The following CCDC144A variants were observed in gnomAD, a reference collection of about 807,000 sequenced individuals.
CCDC144A encodes the protein coiled-coil domain containing 144A.
Under a neutral mutation model 143.8 loss-of-function variants are expected in CCDC144A, and 41 were observed. The observed-to-expected ratio is 0.29, with a 90% confidence interval of 0.22 to 0.37. The LOEUF (loss-of-function observed/expected upper bound fraction) is 0.37. Among genes scored for constraint, CCDC144A ranks in the 10% least tolerant of loss-of-function variants. The pLI is 1.00. For missense variants in CCDC144A, 637 were observed against 1,488.8 expected (o/e 0.43, Z 9.41); for synonymous variants, 242 against 517.9 (o/e 0.47, Z 7.23).
intron 12 of CCDC144A, among the ~76,000 whole-genome samples, chr17:16,756,061 T>A (rs551374633): frequency 6.6e-6 from 1 of 152,236 alleles, no homozygotes; most frequent in Non-Finnish European, 1.5e-5. Context: ...CTTTTGACAT[T>A]TGACTCTGAT....
Position 16,707,540 on chromosome 17 carries a change from C to G in CCDC144A, c.736C>G (p.Gln246Glu), listed in dbSNP as rs1368300416. 3.2e-6 allele frequency: 5 copies of G among 1,578,908 alleles called. No individual in the cohort carries two copies. Residue 246 changes from glutamine (Q) to glutamate (E), a missense_variant and splice_region_variant, in exon 4 of 17, where the codon CAG (glutamine) becomes GAG (glutamate). By Grantham distance (29) the Gln-to-Glu change is conservative (BLOSUM62 2). Transcript: ENST00000399273. The part of the protein sequence containing the change: ...RLKGCENKQP[Q>E]KTSQEPEMAK... ...TAAAGGATGCGAAAATAAGCAGCCACAGGTGTGGAAACATTTAAACTAAAA... is the reference window on the plus strand; with the variant it reads ...TAAAGGATGCGAAAATAAGCAGCCAGAGGTGTGGAAACATTTAAACTAAAA...
chr17:16,728,010 T>A (rs1913515167), intron 9 of CCDC144A: 1 of 296,484 alleles, frequency 3.4e-6, no homozygotes, highest in Non-Finnish European at 6.5e-6. Flanking sequence ...GGTTTTAAAA[T>A]TATCTTGTAT....
chr17:16,679,880 TCTAA>T, the CCDC144A span, among the ~76,000 whole-genome samples: 1 of 152,128 alleles, frequency 6.6e-6, no homozygotes, highest in Non-Finnish European at 1.5e-5. Context: ...CAAAAATTAA[TCTAA>T]CTTACATTAA....
chr17:16,681,454 GA>G, the CCDC144A span, among the ~76,000 whole-genome samples: 1 of 152,140 alleles, frequency 6.6e-6, no homozygotes, highest in Non-Finnish European at 1.5e-5. Context: ...TACACTAAGT[GA>G]TCTCCAGCTC....
chr17:16,723,037 T>TC (rs1913185963), intron 8 of CCDC144A, among the ~76,000 whole-genome samples: 1 of 145,862 alleles, frequency 6.9e-6, no homozygotes, highest in African/African-American at 2.7e-5. Context: ...GTATTTCTCC[T>TC]CTATTTTTTT....
At chr17:16,712,241 A>G (rs1382882316) in intron 6 of CCDC144A, 5 of 172,082 alleles carry the variant, frequency 2.9e-5, no homozygotes, top group African/African-American at 4.8e-5. Context: ...TACTTTTACT[A>G]GGATATTCAG....
chr17:16,706,701 A>C (rs1423136711), intron 3 of CCDC144A: 5 of 151,096 alleles, frequency 3.3e-5, no homozygotes, highest in African/African-American at 7.4e-5. Flanking sequence ...AGCAAGACTC[A>C]ATACATAATT....
chr17:16,748,599 C>T (rs1409646568), intron 12 of CCDC144A, among the ~76,000 whole-genome samples: 8 of 152,104 alleles, frequency 5.3e-5, no homozygotes, highest in Non-Finnish European at 7.4e-5. Flanking sequence ...ATGATGCTGG[C>T]ATCATACAAT....
At chr17:16,700,341 C>T (rs928484637) in intron 2 of CCDC144A, among the ~76,000 whole-genome samples, 1 of 152,072 alleles carries the variant, frequency 6.6e-6, no homozygotes, top group Non-Finnish European at 1.5e-5. Context: ...CCCATGTTTT[C>T]GATGGAGGCT....
Position 16,708,617 on chromosome 17 carries a change from A to G in CCDC144A, c.739-179A>G, listed in dbSNP as rs1912190401. 3 of 711,412 alleles carry G rather than the reference A, an allele frequency of 4.2e-6. No homozygotes were observed. In the Admixed American group the frequency reaches 8.8e-5, roughly 21 times the overall value. The allele number at this position is 711,412 out of a possible 1,614,324, so 44.1% of individuals were successfully genotyped here. ...CTTAGTTACAAGCCAGTGATTTGGG[A>G]GTAGCTAAACCTAGATGAAGAAGTT... On this transcript the variant is annotated intron_variant, in intron 4 of 16. Transcript: ENST00000399273.
chr17:16,672,674 A>G, the CCDC144A span, among the ~76,000 whole-genome samples: 4 of 152,160 alleles, frequency 2.6e-5, no homozygotes, highest in Admixed American at 1.3e-4. Context: ...GTAAAAATAT[A>G]CAACAGAAAT....
At chr17:16,673,512 G>A in the CCDC144A span, among the ~76,000 whole-genome samples, 509 of 151,254 alleles carry the variant, frequency 3.4e-3, 3 homozygotes, top group African/African-American at 0.012. Context: ...TCAGCATCCC[G>A]AGTAGCTGGG....
At chr17:16,725,154 C>T (rs543832439) in intron 8 of CCDC144A, among the ~76,000 whole-genome samples, 1 of 150,164 alleles carries the variant, frequency 6.7e-6, no homozygotes, top group African/African-American at 2.4e-5. Flanking sequence ...ATTTAAAGTG[C>T]TTTTTTTTAA....
intron 11 of CCDC144A, among the ~76,000 whole-genome samples, chr17:16,733,055 C>T (rs958395570): frequency 2.0e-5 from 3 of 151,710 alleles, no homozygotes; most frequent in African/African-American, 7.3e-5. Context: ...TTATTATTTC[C>T]ACTTGTAGTA....
chr17:16,717,716 T>C lies in CCDC144A; in HGVS notation c.1716-2482T>C, dbSNP rs565097662. Among the ~76,000 whole-genome samples, 15 of 152,366 alleles carry C rather than the reference T, an allele frequency of 9.8e-5. No homozygotes were observed. In the South Asian group the frequency reaches 3.1e-3, roughly 32 times the overall value. On this transcript the variant is annotated intron_variant, in intron 6 of 16. Transcript: ENST00000399273. Reference sequence around the variant, plus strand: ...GGCAGGAAATATATATTTCTTTATATGTTGATAATTCATAACTGTGTTTTT... The same window carrying C: ...GGCAGGAAATATATATTTCTTTATACGTTGATAATTCATAACTGTGTTTTT...
At chr17:16,725,999 T>C (rs1004345828) in intron 8 of CCDC144A, among the ~76,000 whole-genome samples, 4 of 152,268 alleles carry the variant, frequency 2.6e-5, no homozygotes, top group South Asian at 2.1e-4. Context: ...TCTTTGGTGA[T>C]GTCTAATCTG....
chr17:16,746,346 T>A, intron 12 of CCDC144A: 1 of 1,180,634 alleles, frequency 8.5e-7, no homozygotes, highest in Middle Eastern at 2.8e-4. Flanking sequence ...TCTAACTCTC[T>A]CCTCCGTTCT....
the CCDC144A span, among the ~76,000 whole-genome samples, chr17:16,671,010 C>G: frequency 6.7e-6 from 1 of 149,500 alleles, no homozygotes; most frequent in African/African-American, 2.5e-5. Flanking sequence ...TTTTTTGAGA[C>G]ACCATCTCAC....
intron 8 of CCDC144A, among the ~76,000 whole-genome samples, chr17:16,721,082 CT>C (rs1913066794): frequency 1.3e-5 from 2 of 152,160 alleles, no homozygotes; most frequent in African/African-American, 4.8e-5. Flanking sequence ...CTTCTTATTG[CT>C]ATAAGGTTAG....
Sources: gnomAD v4.1 joint callset for allele counts (sites outside exome capture counted in the v4.1 genomes callset) on GRCh38, gnomAD v4.1.1 for gene constraint, MANE v1.5 for transcripts, NCBI Gene and HGNC (gene_info 2026-07-23, HGNC 2026-07-21) for gene names.